UNC79: variants seen among roughly 807,000 people sequenced by gnomAD.
UNC79 encodes the protein unc-79 subunit of NALCN channel complex.
A neutral mutation model predicts 283.1 loss-of-function variants in UNC79; 37 were observed. That is an observed-to-expected ratio of 0.13 (90% CI 0.10 to 0.17). The LOEUF is 0.17. Ranked by LOEUF, UNC79 falls within the 10% of genes least tolerant of loss-of-function variation. UNC79 has a pLI of 1.00. For synonymous variants in UNC79, 1,107 were observed against 1,200.2 expected, an observed-to-expected ratio of 0.92 and a Z score of 1.61; for missense variants, 2,272 against 3,211.1, an observed-to-expected ratio of 0.71 and a Z score of 7.07.
At chr14:93,452,727 T>C (rs1431968573) in intron 1 of UNC79, among the ~76,000 whole-genome samples, 2 of 152,098 alleles carry the variant, frequency 1.3e-5, no homozygotes, top group Non-Finnish European at 2.9e-5. Flanking sequence ...AGTTTTCTCA[T>C]CTGTAAAAAA....
chr14:93,682,597 T>G lies in UNC79; in HGVS notation c.6742-20T>G, dbSNP rs754270533. 2 of 1,605,968 alleles carry G rather than the reference T, an allele frequency of 1.2e-6. No individual in the cohort carries two copies. Among genetic ancestry groups the G allele is most frequent in the South Asian group, 2.2e-5 (2 of 90,390 alleles). The stretch of plus-strand genomic sequence containing the variant: ...GTCCAGATACCCTTAAAAATAATTA[T>G]CCTTTCACTTTTTTATTAGTTTATT... On this transcript the variant is annotated intron_variant, in intron 41 of 48. Coordinates refer to ENST00000555664, the Ensembl canonical transcript of UNC79.
intron 1 of UNC79, among the ~76,000 whole-genome samples, chr14:93,405,380 ATAAC>A (rs1284699257): frequency 6.6e-6 from 1 of 152,188 alleles, no homozygotes; most frequent in Non-Finnish European, 1.5e-5. Context: ...TGTTATATCA[ATAAC>A]TAAAAACTGA....
At chr14:93,694,342 A>G in exon 47 of UNC79, 1 of 1,608,914 alleles carries the variant, frequency 6.2e-7, no homozygotes, top group Non-Finnish European at 8.5e-7. Context: ...CAGATGGTAG[A>G]AATGGTGTGT....
chr14:93,562,653 C>T (rs1472337953), intron 14 of UNC79, among the ~76,000 whole-genome samples: 2 of 152,112 alleles, frequency 1.3e-5, no homozygotes, highest in Non-Finnish European at 2.9e-5. Context: ...GCCTGAGAAA[C>T]TGCTTGGGTG....
chr14:93,573,126 A>G (rs1206871103), intron 16 of UNC79, among the ~76,000 whole-genome samples: 4 of 152,220 alleles, frequency 2.6e-5, no homozygotes, highest in African/African-American at 4.8e-5. Flanking sequence ...ATTCTGATAA[A>G]TCTTTGATAT....
At chr14:93,338,316 T>A (rs1269061691) in intron 1 of UNC79, among the ~76,000 whole-genome samples, 1 of 152,276 alleles carries the variant, frequency 6.6e-6, no homozygotes, top group East Asian at 1.9e-4. Context: ...TCTCTTGCCA[T>A]GTGACACTGC....
intron 38 of UNC79, among the ~76,000 whole-genome samples, chr14:93,657,023 G>A (rs994026734): frequency 1.9e-4 from 29 of 152,304 alleles, no homozygotes; most frequent in Middle Eastern, 6.8e-3. Flanking sequence ...AGGTCTGTAA[G>A]GGATAATGCA....
At chr14:93,547,137 CATT>C (rs2141251457) in intron 14 of UNC79, among the ~76,000 whole-genome samples, 1 of 152,212 alleles carries the variant, frequency 6.6e-6, no homozygotes, top group South Asian at 2.1e-4. Flanking sequence ...AATATTTTGT[CATT>C]GTTGTCTACC....
chr14:93,613,157 G>A lies in UNC79; in HGVS notation c.4041+74G>A, dbSNP rs1159218903. ...GAAGCAAGGCATTACATACCATGTA[G>A]CCAACGTTGGTTCAGCATAAAGGTT... On this transcript the variant is annotated intron_variant, in intron 27 of 48. Coordinates refer to ENST00000555664, the Ensembl canonical transcript of UNC79. 5 of 1,571,202 alleles carry A rather than the reference G, an allele frequency of 3.2e-6. No individual in the cohort carries two copies. The Admixed American group carries it at 5.2e-5, about 16-fold the overall frequency.
chr14:93,671,514 T>C (rs2072855338), intron 40 of UNC79, among the ~76,000 whole-genome samples: 1 of 152,196 alleles, frequency 6.6e-6, no homozygotes, highest in Non-Finnish European at 1.5e-5. Context: ...GGCTCACACC[T>C]GTAATCCCAG....
At chr14:93,590,076 A>C (rs527335786) in intron 22 of UNC79, among the ~76,000 whole-genome samples, 1 of 152,248 alleles carries the variant, frequency 6.6e-6, no homozygotes, top group Non-Finnish European at 1.5e-5. Context: ...AATCTTTGCC[A>C]CATGGTCTTC....
At chr14:93,475,667 G>T (rs967895674) in intron 3 of UNC79, among the ~76,000 whole-genome samples, 6 of 152,170 alleles carry the variant, frequency 3.9e-5, no homozygotes, top group African/African-American at 1.4e-4. Context: ...TTGTCAGTGC[G>T]TCTCCTTCGT....
chr14:93,373,031 G>C (rs2054485016), intron 1 of UNC79, among the ~76,000 whole-genome samples: 1 of 152,176 alleles, frequency 6.6e-6, no homozygotes, highest in Non-Finnish European at 1.5e-5. Flanking sequence ...AAATTTCAAA[G>C]TACTTGGAGA....
intron 14 of UNC79, among the ~76,000 whole-genome samples, chr14:93,553,816 G>A (rs927969381): frequency 1.3e-5 from 2 of 152,150 alleles, no homozygotes; most frequent in Admixed American, 1.3e-4. Context: ...AGCTGCATAT[G>A]TCTCTTTTGG....
chr14:93,334,270 G>C lies in UNC79; in HGVS notation c.-351+747G>C, dbSNP rs147834408. 1.4e-3 allele frequency among the ~76,000 whole-genome samples: 215 copies of C among 152,208 alleles called. 2 individuals are homozygous for C. The highest frequency in any genetic ancestry group is 0.01 in the Middle Eastern group (3 of 294). On this transcript the variant is annotated intron_variant, in intron 1 of 49. Transcript: ENST00000256339. ...TCATTCTTCATCACCTTACTTCCTT[G>C]AAAAGGATAGCTCTTTCCAATTTGT...
chr14:93,357,299 A>G lies in UNC79; in HGVS notation c.-351+23776A>G, dbSNP rs548310725. Among the ~76,000 whole-genome samples, 3 of 152,260 alleles carry G rather than the reference A, an allele frequency of 2.0e-5. No homozygotes were observed. The South Asian group carries it at 6.2e-4, about 32-fold the overall frequency. ...CCACTAATGGGCATTGTGATGGTCA[A>G]TACTGAGTGTCAAGTTTATTGGATT... On this transcript the variant is annotated intron_variant, in intron 1 of 49. Coordinates refer to the UNC79 transcript ENST00000256339.
intron 4 of UNC79, among the ~76,000 whole-genome samples, chr14:93,487,367 A>G (rs959302534): frequency 2.0e-5 from 3 of 152,146 alleles, no homozygotes; most frequent in Admixed American, 6.5e-5. Context: ...CCATCTAAAT[A>G]CAAACATCAT....
chr14:93,388,647 C>T (rs1303066085), intron 1 of UNC79, among the ~76,000 whole-genome samples: 2 of 152,150 alleles, frequency 1.3e-5, no homozygotes, highest in Middle Eastern at 3.2e-3. Flanking sequence ...CATTGCTTAA[C>T]ATTTTTTTTG....
rs569080294 is a variant in UNC79 at position 93,510,759 on chromosome 14, C to T, written c.899-13219C>T. Among the ~76,000 whole-genome samples the T allele has an allele frequency of 1.8e-3, 267 of 152,302 alleles. 2 individuals are homozygous for T. The highest frequency in any genetic ancestry group is 6.1e-3 in the African/African-American group (252 of 41,566). On this transcript the variant is annotated intron_variant, in intron 7 of 48. Transcript: ENST00000555664. ...TTGGTCACAACAATTTAACAAGTCT[C>T]TAGGAAGTTCCAAACTTTCTGTCAT...
Sources: allele counts gnomAD v4.1 joint callset (sites outside exome capture counted in the v4.1 genomes callset), GRCh38; gene constraint gnomAD v4.1.1; transcripts MANE v1.5; gene names NCBI Gene and HGNC (gene_info 2026-07-23, HGNC 2026-07-21).